Variants in PRKG1 observed in about 807,000 individuals in gnomAD.
The protein encoded by PRKG1 is protein kinase cGMP-dependent 1, also known as cGMP-dependent protein kinase 1.
Under a neutral mutation model 88.1 loss-of-function variants are expected in PRKG1, and 35 were observed. That is an observed-to-expected ratio of 0.40 (90% CI 0.30 to 0.53). The LOEUF (loss-of-function observed/expected upper bound fraction) is 0.53, where lower values mean the gene tolerates loss of function less well. Ranked by LOEUF, PRKG1 falls within the 20% of genes least tolerant of loss-of-function variation. The pLI is 0.59. For synonymous variants in PRKG1, 303 were observed against 292.5 expected (o/e 1.04, Z -0.37); for missense variants, 540 against 839.8 (o/e 0.64, Z 4.41).
intron 9 of PRKG1, among the ~76,000 whole-genome samples, chr10:52,226,795 GA>G (rs140809161): frequency 1.0e-4 from 15 of 150,600 alleles, no homozygotes; most frequent in African/African-American, 2.2e-4. Context: ...AAAATCCATG[GA>G]AAAAAAAATA....
intron 9 of PRKG1, among the ~76,000 whole-genome samples, chr10:52,196,314 C>G (rs927027971): frequency 1.3e-5 from 2 of 152,138 alleles, no homozygotes; most frequent in Admixed American, 1.3e-4. Context: ...CCGCGCCAGG[C>G]CAAGAAATTC....
intron 1 of PRKG1, among the ~76,000 whole-genome samples, chr10:51,002,805 T>C (rs1296079958): frequency 6.6e-6 from 1 of 152,196 alleles, no homozygotes; most frequent in Non-Finnish European, 1.5e-5. Flanking sequence ...AAGGAAGTTG[T>C]ACTCTGGGTC....
intron 5 of PRKG1, among the ~76,000 whole-genome samples, chr10:51,995,040 T>C (rs1188166514): frequency 1.3e-5 from 2 of 151,870 alleles, no homozygotes; most frequent in Non-Finnish European, 2.9e-5. Context: ...TAATCGGCAC[T>C]TAATATTCAT....
rs541472940 is a variant in PRKG1 at position 51,921,041 on chromosome 10, C to A, written c.762+13471C>A. ...GTTCTATTCTTTGGGTTTTGCCCCCCAGAATTAGGATTTTGCCAAATGAAA... is the reference window on the plus strand; with the variant it reads ...GTTCTATTCTTTGGGTTTTGCCCCCAAGAATTAGGATTTTGCCAAATGAAA... On this transcript the variant is annotated intron_variant, in intron 5 of 17. Coordinates refer to ENST00000373980, the MANE Select transcript of PRKG1 (RefSeq NM_006258.4). Among the ~76,000 whole-genome samples the A allele has an allele frequency of 1.1e-4, 17 of 152,124 alleles. No homozygotes were observed. In the South Asian group the frequency reaches 2.7e-3, roughly 24 times the overall value.
At chr10:51,220,876 A>G (rs1838511342) in intron 2 of PRKG1, among the ~76,000 whole-genome samples, 1 of 152,142 alleles carries the variant, frequency 6.6e-6, no homozygotes, top group African/African-American at 2.4e-5. Flanking sequence ...AGAATTAAAT[A>G]AAGAGGATAA....
chr10:51,816,850 A>G (rs1015716821), intron 4 of PRKG1, among the ~76,000 whole-genome samples: 6 of 152,140 alleles, frequency 3.9e-5, no homozygotes, highest in Non-Finnish European at 8.8e-5. Flanking sequence ...AGGGGGTCCA[A>G]TGGGTAAACA....
At chr10:52,067,931 G>A (rs1321038099) in intron 7 of PRKG1, among the ~76,000 whole-genome samples, 1 of 104,914 alleles carries the variant, frequency 9.5e-6, no homozygotes, top group African/African-American at 2.7e-5. Context: ...GAGGCCGGGC[G>A]CAGTGGCTCA....
chr10:51,421,990 C>T (rs139204227), intron 2 of PRKG1, among the ~76,000 whole-genome samples: 4 of 152,326 alleles, frequency 2.6e-5, no homozygotes, highest in South Asian at 2.1e-4. Context: ...AAGACAGCAT[C>T]AGCCACCATT....
In PRKG1 at chr10:51,564,644, C is replaced by T. The variant is rs144700773; in HGVS notation, c.592+96808C>T. ...GGCTTCAAGATATTAAGTGTTTTTC[C>T]GTACATTATGGTCTAATTCAATGAC... On this transcript the variant is annotated intron_variant, in intron 3 of 17. Coordinates refer to ENST00000373980, the MANE Select transcript of PRKG1 (RefSeq NM_006258.4). 9.2e-5 allele frequency among the ~76,000 whole-genome samples: 14 copies of T among 152,098 alleles called. No individual in the cohort carries two copies. In the East Asian group the frequency reaches 1.4e-3, roughly 15 times the overall value.
chr10:52,093,347 C>T (rs1847099979), intron 7 of PRKG1, among the ~76,000 whole-genome samples: 1 of 151,992 alleles, frequency 6.6e-6, no homozygotes, highest in African/African-American at 2.4e-5. Flanking sequence ...TGCATTTTTC[C>T]ATTTGTCAGA....
intron 3 of PRKG1, among the ~76,000 whole-genome samples, chr10:51,604,834 C>T (rs117405036): frequency 0.015 from 2,330 of 152,290 alleles, 17 homozygotes; most frequent in Non-Finnish European, 0.023. Context: ...TGTTACAGTG[C>T]GCTCTTTCAG....
chr10:51,756,707 C>T (rs184571719), intron 3 of PRKG1, among the ~76,000 whole-genome samples: 1,751 of 150,816 alleles, frequency 0.012, 17 homozygotes, highest in Non-Finnish European at 0.019. Flanking sequence ...CTCAGCTACT[C>T]GGGAGGCCGA....
intron 2 of PRKG1, among the ~76,000 whole-genome samples, chr10:51,199,310 C>T (rs1421323969): frequency 1.3e-5 from 2 of 152,130 alleles, no homozygotes; most frequent in Non-Finnish European, 2.9e-5. Flanking sequence ...CAAATATAAC[C>T]ATGTGTTCTT....
intron 3 of PRKG1, among the ~76,000 whole-genome samples, chr10:51,640,074 A>G (rs527239809): frequency 6.6e-6 from 1 of 152,336 alleles, no homozygotes; most frequent in South Asian, 2.1e-4. Context: ...GTAGTTGTTC[A>G]ATAAAGCTAA....
chr10:51,856,801 T>C (rs1174754588), intron 4 of PRKG1, among the ~76,000 whole-genome samples: 2 of 151,312 alleles, frequency 1.3e-5, no homozygotes, highest in African/African-American at 4.9e-5. Flanking sequence ...CCGTCTCTAC[T>C]ACAAATACAA....
rs544367503 is a variant in PRKG1 at position 51,585,952 on chromosome 10, C to T, written c.592+118116C>T. 2.9e-4 allele frequency among the ~76,000 whole-genome samples: 44 copies of T among 152,024 alleles called. 1 individual carries two copies. The highest frequency in any genetic ancestry group is 3.4e-3 in the Middle Eastern group (1 of 294). On this transcript the variant is annotated intron_variant, in intron 3 of 17. Coordinates refer to ENST00000373980, the MANE Select transcript of PRKG1 (RefSeq NM_006258.4). The stretch of plus-strand genomic sequence containing the variant: ...GTACACATGGCCGTAAAGATAAGAA[C>T]GCTAGACACTGGGGACTAGTAGAGT...
At chr10:51,430,672 A>G (rs1027522933) in intron 2 of PRKG1, among the ~76,000 whole-genome samples, 1 of 152,196 alleles carries the variant, frequency 6.6e-6, no homozygotes, top group African/African-American at 2.4e-5. Context: ...GCAACTTCTA[A>G]TAGGCAAAAA....
At chr10:51,964,072 C>T (rs1843511188) in intron 5 of PRKG1, among the ~76,000 whole-genome samples, 5 of 152,006 alleles carry the variant, frequency 3.3e-5, no homozygotes, top group Admixed American at 3.3e-4. Context: ...CTGGAGGCAC[C>T]CTGCACTCAT....
chr10:51,092,346 C>A (rs146313059), intron 1 of PRKG1, among the ~76,000 whole-genome samples: 2 of 152,260 alleles, frequency 1.3e-5, no homozygotes, highest in East Asian at 3.9e-4. Context: ...TCAATTAAAC[C>A]TCTCTTTTGA....
Sources: allele counts gnomAD v4.1 joint callset (sites outside exome capture counted in the v4.1 genomes callset), GRCh38; gene constraint gnomAD v4.1.1; transcripts MANE v1.5; gene names NCBI Gene and HGNC (gene_info 2026-07-23, HGNC 2026-07-21).